C2CD2L: variants seen among roughly 807,000 people sequenced by gnomAD.
The protein encoded by C2CD2L is C2CD2 like, also known as phospholipid transfer protein C2CD2L.
A neutral mutation model predicts 69.9 loss-of-function variants in C2CD2L; 24 were observed. The ratio of observed to expected loss-of-function variants is 0.34; its 90% confidence interval spans 0.25 to 0.48. The LOEUF (loss-of-function observed/expected upper bound fraction) is 0.48, where lower values mean the gene tolerates loss of function less well. Among genes scored for constraint, C2CD2L ranks in the 20% least tolerant of loss-of-function variants. C2CD2L has a pLI of 0.99. For missense variants in C2CD2L, 811 were observed against 941.5 expected (o/e 0.86, Z 1.81); for synonymous variants, 367 against 391.0 (o/e 0.94, Z 0.72).
intron 6 of C2CD2L, 40 bp from the exon 7 acceptor site, chr11:119,111,481 T>C: frequency 6.2e-7 from 1 of 1,604,474 alleles, no homozygotes; most frequent in Non-Finnish European, 8.5e-7. Flanking sequence ...TGACTTCCCA[T>C]CTCTGATCTG....
rs1592237235 is a variant in C2CD2L, at chr11:119,109,197, C to T, written c.355-907C>T. The stretch of plus-strand genomic sequence containing the variant: ...TCCTTGGCCTAGCCTTTGAATGAGA[C>T]AGCTACCAGAGCAAAGGAGTTGGCT... On this transcript the variant is annotated intron_variant, in intron 1 of 13. Transcript: ENST00000648610. The surrounding 1 kb of genome is among the most constrained non-coding windows in gnomAD (Gnocchi z 5.1). Among the ~76,000 whole-genome samples, 1 of 152,306 alleles carries T rather than the reference C, an allele frequency of 6.6e-6. No homozygotes were observed. Among genetic ancestry groups the T allele is most frequent in the East Asian group, 1.9e-4 (1 of 5,186 alleles).
chr11:119,113,717 G>A lies in C2CD2L; in HGVS notation c.1489+5G>A. 2 of 1,614,086 alleles carry A rather than the reference G, an allele frequency of 1.2e-6. No individual in the cohort carries two copies. Among genetic ancestry groups the A allele is most frequent in the Non-Finnish European group, 1.7e-6 (2 of 1,179,968 alleles). ...ATACCTCCCATAGCAGCAGCCGTGA[G>A]TGGGGAATGGGGTGCATGAGTGTGG... is the stretch of plus-strand genomic sequence containing the variant. On this transcript the variant is annotated splice_donor_5th_base_variant and intron_variant, in intron 11 of 13. Transcript: ENST00000648610.
chr11:119,108,208 G>T, intron 1 of C2CD2L, 113 bp downstream of exon 1: 1 of 644,314 alleles, frequency 1.6e-6, no homozygotes, highest in Middle Eastern at 2.8e-4. Flanking sequence ...GGAACCCTAT[G>T]GCTTCTCTTC....
rs772645291 is a variant in C2CD2L at position 119,112,834 on chromosome 11, C to A, written c.1347C>A (p.Val449=). 8 of 1,613,956 alleles carry A rather than the reference C, an allele frequency of 5.0e-6. No individual in the cohort carries two copies. Among genetic ancestry groups the A allele is most frequent in the Non-Finnish European group, 6.8e-6 (8 of 1,179,972 alleles). Residue 449 remains valine, a synonymous_variant, in exon 10 of 14, where the codon GTC becomes GTA. Coordinates refer to ENST00000648610, the MANE Select transcript of C2CD2L (RefSeq NM_001290474.2). ...IMPDGTIVTT[V]TTVQSRPRID... is the part of the protein sequence containing the mutation. Reference sequence around the variant, plus strand: ...CCGATGGCACCATTGTCACCACAGTCACCACTGTCCAGTCCCGGCCCCGTA... The same window carrying A: ...CCGATGGCACCATTGTCACCACAGTAACCACTGTCCAGTCCCGGCCCCGTA...
upstream of C2CD2L, among the ~76,000 whole-genome samples, chr11:119,105,579 G>A (rs563764069): frequency 1.3e-4 from 20 of 151,522 alleles, 1 homozygote; most frequent in South Asian, 4.2e-3. Context: ...GGTGGAGGTT[G>A]CAGTGAGCCA....
At chr11:119,111,961 G>A (rs588539) in intron 7 of C2CD2L, 243,709 of 427,404 alleles carry the variant, frequency 0.57, 71,980 homozygotes, top group African/African-American at 0.72. Flanking sequence ...TAGGCTTCAT[G>A]GAGGAGATGA....
At position 119,118,274 on chromosome 11, in the gene C2CD2L, T is replaced by C. The variant is rs1204820272; in HGVS notation, c.*2018T>C. 1 of 152,198 alleles carries C rather than the reference T, an allele frequency of 6.6e-6. No homozygotes were observed. The highest frequency in any genetic ancestry group is 1.5e-5 in the Non-Finnish European group (1 of 68,018). 9.4% of individuals were successfully genotyped at this position (152,198 alleles called of 1,614,324 possible). ...CCTTCTCACCTTTCATAGTCTCCGA[T>C]GTCTTTTATTCCACTCTATATGTCC... On this transcript the variant is annotated 3_prime_UTR_variant, in exon 14 of 14. Transcript: ENST00000648610.
At chr11:119,112,091 C>A (rs1253533979) in intron 7 of C2CD2L, 1 of 538,206 alleles carries the variant, frequency 1.9e-6, no homozygotes, top group East Asian at 3.3e-5. Flanking sequence ...ACTGGCAAGA[C>A]AGGAAGAGCA....
chr11:119,108,149 G>A, intron 1 of C2CD2L, 54 bp downstream of exon 1: 2 of 1,262,058 alleles, frequency 1.6e-6, no homozygotes, highest in Non-Finnish European at 2.2e-6. Flanking sequence ...TCCAGGGGAG[G>A]GACTGACTGC....
rs1293940678 is a variant in C2CD2L at position 119,113,950 on chromosome 11, A to G, written c.1585A>G (p.Thr529Ala). ...TGGGCGGGTGGCCAAGAAGACACCC[A>G]CCAAGCGCAGCACTCTCATCATCTC... ...PSGRVAKKTPTKRSTLIISGV... is the reference protein window; with the variant it reads ...PSGRVAKKTPAKRSTLIISGV... The change falls in exon 12 of 14, where the codon ACC becomes GCC. Residue 529 changes from threonine (T) to alanine (A), a missense_variant. Transcript: ENST00000648610. The G allele has an allele frequency of 1.2e-6, 2 of 1,614,184 alleles. No individual in the cohort carries two copies. The highest frequency in any genetic ancestry group is 3.3e-5 in the Admixed American group (2 of 60,022).
chr11:119,107,081 T>G (rs1001285168), upstream of C2CD2L: 1 of 152,240 alleles, frequency 6.6e-6, no homozygotes, highest in African/African-American at 2.4e-5. The surrounding 1 kb of genome is among the most constrained non-coding windows in gnomAD (Gnocchi z 5.4). Context: ...GCGTCCGACC[T>G]GTGGAAATCT....
At position 119,110,176 on chromosome 11, in the gene C2CD2L, G is replaced by A. The variant is rs757059226; in HGVS notation, c.427G>A (p.Val143Ile). 1.1e-5 allele frequency: 18 copies of A among 1,613,308 alleles called. No individual in the cohort carries two copies. Among genetic ancestry groups the A allele is most frequent in the African/African-American group, 1.3e-5 (1 of 74,892 alleles). Residue 143 changes from valine (V) to isoleucine (I), a missense_variant, in exon 2 of 14, where the codon GTA (valine) becomes ATA (isoleucine). Val to Ile is a conservative substitution (Grantham distance 29). Coordinates refer to ENST00000648610, the MANE Select transcript of C2CD2L (RefSeq NM_001290474.2). This position sits in a 1 kb window ranked among gnomAD's most constrained non-coding sequence, Gnocchi z 5.7. ...PRASISHVTC[V>I]DQSEHTMVLR... ...AGCCAGCATCAGTCATGTGACCTGC[G>A]TAGACCAATCTGAGCATACCATGGT...
chr11:119,103,384 A>G (rs1423230174), upstream of C2CD2L, among the ~76,000 whole-genome samples: 1 of 152,166 alleles, frequency 6.6e-6, no homozygotes, highest in African/African-American at 2.4e-5. Flanking sequence ...AGCCGAAGAT[A>G]GTTTCTTCTT....
intron 7 of C2CD2L, 165 bp downstream of exon 7, chr11:119,111,794 A>T (rs1288201513): frequency 3.4e-6 from 2 of 590,154 alleles, no homozygotes; most frequent in Non-Finnish European, 6.0e-6. Flanking sequence ...CTTGACCAAG[A>T]TACAGCCCCC....
At chr11:119,108,194 C>T (rs1360636895) in intron 1 of C2CD2L, 99 bp downstream of exon 1, 2 of 728,548 alleles carry the variant, frequency 2.7e-6, no homozygotes, top group African/African-American at 3.8e-5. Flanking sequence ...TGGGCATAAA[C>T]TGGGGAACCC....
intron 10 of C2CD2L, 54 bp downstream of exon 10, chr11:119,112,928 A>G: frequency 6.7e-7 from 1 of 1,492,046 alleles, no homozygotes. Context: ...GGGACTGCAG[A>G]CCCAAGGCAG....
upstream of C2CD2L, among the ~76,000 whole-genome samples, chr11:119,104,888 T>C (rs576507450): frequency 8.5e-5 from 13 of 152,316 alleles, no homozygotes; most frequent in African/African-American, 3.1e-4. Context: ...CTCTGTCCAG[T>C]CAGCTGAATC....
chr11:119,116,476 TGGGA>T lies in C2CD2L; in HGVS notation c.*226_*229del. ...AGGACATGGACGAGGGACTGGTGGC[TGGGA>T]GGGAGAGGAGGGCCCTGTCCGGCAT... On this transcript the variant is annotated 3_prime_UTR_variant, in exon 14 of 14. Transcript: ENST00000648610. The T allele has an allele frequency of 1.7e-6, 1 of 594,702 alleles. No homozygotes were observed. Among genetic ancestry groups the T allele is most frequent in the Non-Finnish European group, 3.0e-6 (1 of 333,620 alleles). The allele number at this position is 594,702 out of a possible 1,614,324, so 36.8% of individuals were successfully genotyped here.
intron 6 of C2CD2L, 62 bp from the exon 7 acceptor site, chr11:119,111,459 T>G: frequency 6.3e-7 from 1 of 1,598,418 alleles, no homozygotes; most frequent in African/African-American, 1.3e-5. Flanking sequence ...GTACAGCCTC[T>G]TTATTCTGCA....
Sources: gnomAD v4.1 joint callset for allele counts (sites outside exome capture counted in the v4.1 genomes callset) on GRCh38, gnomAD v4.1.1 for gene constraint, Gnocchi (gnomAD v3.1) non-coding constraint, MANE v1.5 for transcripts, NCBI Gene and HGNC (gene_info 2026-07-23, HGNC 2026-07-21) for gene names.